Variants in ABRAXAS1 observed in about 807,000 individuals in gnomAD.
ABRAXAS1 encodes abraxas 1, BRCA1 A complex subunit, also known as BRCA1-A complex subunit Abraxas 1.
ABRAXAS1 carries 26 observed loss-of-function variants against 38.4 expected under a neutral mutation model. The ratio of observed to expected loss-of-function variants is 0.68; its 90% CI spans 0.50 to 0.94. The LOEUF is 0.94. Among genes scored for constraint, ABRAXAS1 ranks in the 40% least tolerant of loss-of-function variants. The pLI is 0.00. For synonymous variants in ABRAXAS1, 144 were observed against 165.5 expected (o/e 0.87, Z 1.00); for missense variants, 438 against 481.9 (o/e 0.91, Z 0.85).
intron 1 of ABRAXAS1, among the ~76,000 whole-genome samples, chr4:83,483,654 C>T (rs1015833035): frequency 6.6e-6 from 1 of 151,880 alleles, no homozygotes; most frequent in African/African-American, 2.4e-5. Context: ...TGGAATCACG[C>T]GGGGGGATAT....
At position 83,462,504 on chromosome 4, in the gene ABRAXAS1, C is replaced by A; in HGVS notation, c.1195G>T (p.Gly399Cys). The stretch of plus-strand genomic sequence containing the variant: ...GGAGACCGTGAATATTCACCAAAAC[C>A]CTTCATCTTTTCAATTTCTTCATCT... ...ETDEEIEKMK[G>C]FGEYSRSPTF The change falls in exon 9 of 9, where the codon GGT (glycine) becomes TGT (cysteine). Residue 399 changes from glycine to cysteine, a missense_variant. By Grantham distance (159) the Gly-to-Cys change is radical. Around this residue, in one of 3 missense-constraint regions of ABRAXAS1, gnomAD observed 184 missense variants for 181.9 expected, o/e 1.01. Coordinates refer to ENST00000321945, the MANE Select transcript of ABRAXAS1 (RefSeq NM_139076.3). 1 of 1,613,622 alleles carries A rather than the reference C, an allele frequency of 6.2e-7. No homozygotes were observed. Among genetic ancestry groups the A allele is most frequent in the Non-Finnish European group, 8.5e-7 (1 of 1,179,880 alleles).
At position 83,462,414 on chromosome 4, in the gene ABRAXAS1, T is replaced by A; in HGVS notation, c.*55A>T. 1 of 1,444,074 alleles carries A rather than the reference T, an allele frequency of 6.9e-7. No individual in the cohort carries two copies. The highest frequency in any genetic ancestry group is 9.4e-7 in the Non-Finnish European group (1 of 1,061,810). The allele number at this position is 1,444,074 out of a possible 1,614,324, so 89.5% of individuals were successfully genotyped here. A position where few individuals can be genotyped will look rare whatever the true frequency, so the allele number is the denominator to read the frequency against. On this transcript the variant is annotated 3_prime_UTR_variant, in exon 9 of 9. Coordinates refer to ENST00000321945, the MANE Select transcript of ABRAXAS1 (RefSeq NM_139076.3). ...CTCAACATAGTAAAAACAATAGAAATGTTTGGCTTTACCCATCAGCCAAAT... is the reference window on the plus strand; with the variant it reads ...CTCAACATAGTAAAAACAATAGAAAAGTTTGGCTTTACCCATCAGCCAAAT...
Position 83,462,253 on chromosome 4 carries a change from A to T in ABRAXAS1, c.*216T>A. ...GCCTTCCCCTCAACAACTTAGTGAA[A>T]GGTGAAAAAAAGGTTTGGAAATAAA... is the stretch of plus-strand genomic sequence containing the variant. On this transcript the variant is annotated 3_prime_UTR_variant, in exon 9 of 9. Transcript: ENST00000321945. 1 of 509,516 alleles carries T rather than the reference A, an allele frequency of 2.0e-6. No individual in the cohort carries two copies. The highest frequency in any genetic ancestry group is 3.5e-6 in the Non-Finnish European group (1 of 288,842). The allele number at this position is 509,516 out of a possible 1,614,324, so 31.6% of individuals were successfully genotyped here.
At chr4:83,472,098 C>T (rs576572094) in intron 4 of ABRAXAS1, 124 bp downstream of exon 4, 137 of 489,678 alleles carry the variant, frequency 2.8e-4, no homozygotes, top group African/African-American at 2.6e-3. Context: ...CCTTTTCTTA[C>T]TTACTTTACA....
intron 6 of ABRAXAS1, among the ~76,000 whole-genome samples, chr4:83,467,786 G>A (rs891920416): frequency 1.3e-5 from 2 of 152,138 alleles, no homozygotes; most frequent in African/African-American, 4.8e-5. Context: ...AGGATGGGCG[G>A]GGGATGGGGG....
At chr4:83,473,681 C>A (rs774947631) in intron 3 of ABRAXAS1, among the ~76,000 whole-genome samples, 4 of 151,860 alleles carry the variant, frequency 2.6e-5, no homozygotes, top group South Asian at 2.1e-4. Flanking sequence ...ACACACCCAG[C>A]TGTTTTGTAT....
intron 3 of ABRAXAS1, 28 bp downstream of exon 3, chr4:83,476,615 T>A: frequency 1.4e-6 from 2 of 1,455,252 alleles, no homozygotes; most frequent in Non-Finnish European, 1.9e-6. Context: ...TCACAATGGA[T>A]CATTTACTTA....
At chr4:83,465,299 C>CAAAAAAAAAAAAAAAAAAAAAAAAAAA (rs35072866) in intron 7 of ABRAXAS1, among the ~76,000 whole-genome samples, 1 of 88,202 alleles carries the variant, frequency 1.1e-5, no homozygotes, top group African/African-American at 4.0e-5. Context: ...GACTCTGTCT[C>CAAAAAAAAAAAAAAAAAAAAAAAAAAA]AAAAAAAAAA....
rs1203779486 is a variant in ABRAXAS1, at chr4:83,459,906, A to G, written c.*2563T>C. On this transcript the variant is annotated 3_prime_UTR_variant, in exon 9 of 9. Coordinates refer to ENST00000321945, the MANE Select transcript of ABRAXAS1 (RefSeq NM_139076.3). ...TCAAATTGTGCTATAAATTACTACT[A>G]GATCAGATACTACAGGGACTAGAGC... 5.6e-6 allele frequency: 5 copies of G among 887,896 alleles called. No individual in the cohort carries two copies. The highest frequency in any genetic ancestry group is 8.7e-6 in the Non-Finnish European group (5 of 572,402). The allele number at this position is 887,896 out of a possible 1,614,324, so 55.0% of individuals were successfully genotyped here. A position where few individuals can be genotyped will look rare whatever the true frequency, so the allele number is the denominator to read the frequency against.
chr4:83,471,360 C>T (rs925809893), intron 4 of ABRAXAS1, among the ~76,000 whole-genome samples: 6 of 151,428 alleles, frequency 4.0e-5, no homozygotes, highest in East Asian at 1.9e-4. Context: ...TGCGCCACTA[C>T]GCCCGGCTTT....
At chr4:83,468,151 C>A (rs1055439273) in intron 6 of ABRAXAS1, among the ~76,000 whole-genome samples, 2 of 151,686 alleles carry the variant, frequency 1.3e-5, no homozygotes, top group South Asian at 4.2e-4. Context: ...AAAAAAAATA[C>A]AAAATTAGCC....
rs1212374385 is a variant in ABRAXAS1, at chr4:83,459,874, CAA to C, written c.*2593_*2594del. 8.0e-7 allele frequency: 1 copy of C among 1,251,824 alleles called. No homozygotes were observed. The highest frequency in any genetic ancestry group is 1.1e-6 in the Non-Finnish European group (1 of 891,246). The allele number at this position is 1,251,824 out of a possible 1,614,324, so 77.5% of individuals were successfully genotyped here. A position where few individuals can be genotyped will look rare whatever the true frequency, so the allele number is the denominator to read the frequency against. On this transcript the variant is annotated 3_prime_UTR_variant, in exon 9 of 9. Transcript: ENST00000321945. ...TCTATTTCTATCATTTAAGAAAACT[CAA>C]ATTTTCAAATTGTGCTATAAATTAC...
rs78607458 is a variant in ABRAXAS1 at position 83,467,239 on chromosome 4, A to G, written c.681+215T>C. 0.012 allele frequency: 4,949 copies of G among 399,446 alleles called. 204 individuals are homozygous for G. Among genetic ancestry groups the G allele is most frequent in the African/African-American group, 0.095 (4,483 of 47,390 alleles). 24.7% of individuals were successfully genotyped at this position (399,446 alleles called of 1,614,324 possible). The stretch of plus-strand genomic sequence containing the variant: ...CATTTGGTTTTCCCTATGAAAACTA[A>G]AAAGTAAAAATACATATAGGTTTGT... On this transcript the variant is annotated intron_variant, in intron 7 of 8. Coordinates refer to ENST00000321945, the MANE Select transcript of ABRAXAS1 (RefSeq NM_139076.3).
chr4:83,482,077 C>A (rs996189438), intron 2 of ABRAXAS1, 77 bp downstream of exon 2: 1 of 911,564 alleles, frequency 1.1e-6, no homozygotes, highest in East Asian at 2.6e-5. Context: ...TAATAATTTA[C>A]GCTGACCCCT....
chr4:83,472,394 T>A, intron 3 of ABRAXAS1, 106 bp from the exon 4 acceptor site: 2 of 547,848 alleles, frequency 3.7e-6, no homozygotes, highest in South Asian at 5.8e-5. Flanking sequence ...AAAGCCCATA[T>A]ACCTATTTGC....
At chr4:83,479,319 A>G (rs1578134614) in intron 2 of ABRAXAS1, 1 of 148,698 alleles carries the variant, frequency 6.7e-6, no homozygotes, top group Admixed American at 6.9e-5. Flanking sequence ...AGGGATAATC[A>G]CTTGAACCCG....
At position 83,461,607 on chromosome 4, in the gene ABRAXAS1, C is replaced by T. The variant is rs1722119496; in HGVS notation, c.*862G>A. The T allele has an allele frequency of 3.4e-6, 1 of 296,952 alleles. No homozygotes were observed. Among genetic ancestry groups the T allele is most frequent in the African/African-American group, 2.1e-5 (1 of 47,902 alleles). The allele number at this position is 296,952 out of a possible 1,614,324, so 18.4% of individuals were successfully genotyped here. ...AAGGACAAAATATTCCTAGACGAGT[C>T]TACCCTCAAACCAGTAGTGTCTTTT... On this transcript the variant is annotated 3_prime_UTR_variant, in exon 9 of 9. Coordinates refer to ENST00000321945, the MANE Select transcript of ABRAXAS1 (RefSeq NM_139076.3).
chr4:83,477,900 CA>C (rs988515898), intron 2 of ABRAXAS1: 11 of 748,352 alleles, frequency 1.5e-5, no homozygotes, highest in Non-Finnish European at 2.2e-5. Flanking sequence ...GGGGTAGTGT[CA>C]GGGGTGATAT....
In ABRAXAS1 at chr4:83,462,728, G is replaced by A; in HGVS notation, c.971C>T (p.Thr324Ile). Residue 324 changes from threonine (T) to isoleucine (I), a missense_variant, in exon 9 of 9, where the codon ACC becomes ATC. By Grantham distance (89) the Thr-to-Ile change is moderately conservative. Coordinates refer to ENST00000321945, the MANE Select transcript of ABRAXAS1 (RefSeq NM_139076.3). ...AATGTCAGTGTGTTCTACCATTAAG[G>A]TCAGATTGTCTACTACATCGAGATG... ...NHHLDVVDNL[T>I]LMVEHTDIPE... 1.2e-6 allele frequency: 2 copies of A among 1,613,802 alleles called. No individual in the cohort carries two copies. Among genetic ancestry groups the A allele is most frequent in the South Asian group, 1.1e-5 (1 of 91,070 alleles).
Sources: allele counts gnomAD v4.1 joint callset (sites outside exome capture counted in the v4.1 genomes callset), GRCh38; gene constraint gnomAD v4.1.1; regional missense constraint gnomAD v4.1.1; transcripts MANE v1.5; gene names NCBI Gene and HGNC (gene_info 2026-07-23, HGNC 2026-07-21).